EPHB1: variants seen among roughly 807,000 people sequenced by gnomAD.
EPHB1 encodes the protein ephrin type-B receptor 1.
EPHB1 carries 30 observed loss-of-function variants against 94.4 expected under a neutral mutation model. The observed-to-expected ratio is 0.32, with a 90% confidence interval of 0.24 to 0.43. The LOEUF is 0.43. EPHB1 is among the 20% of genes least tolerant of loss of function. EPHB1 has a pLI of 1.00. For synonymous variants in EPHB1, 522 were observed against 489.1 expected (o/e 1.07, Z -0.89); for missense variants, 1,055 against 1,308.3 (o/e 0.81, Z 2.99).
At chr3:135,123,428 C>G (rs535862469) in intron 4 of EPHB1, among the ~76,000 whole-genome samples, 1 of 152,196 alleles carries the variant, frequency 6.6e-6, no homozygotes, top group East Asian at 1.9e-4. Context: ...TTCTTGGTTC[C>G]AAAGACAATT....
intron 13 of EPHB1, among the ~76,000 whole-genome samples, chr3:135,247,269 G>T (rs1363930802): frequency 6.6e-6 from 1 of 152,150 alleles, no homozygotes; most frequent in Non-Finnish European, 1.5e-5. Flanking sequence ...GTCTATAATA[G>T]TTGGTTTTTG....
At chr3:134,912,256 T>C (rs944457476) in intron 1 of EPHB1, among the ~76,000 whole-genome samples, 1 of 152,208 alleles carries the variant, frequency 6.6e-6, no homozygotes, top group Non-Finnish European at 1.5e-5. Flanking sequence ...TGGTTCTTAC[T>C]CATGTGCCAT....
intron 12 of EPHB1, among the ~76,000 whole-genome samples, chr3:135,207,578 G>A (rs553458584): frequency 3.9e-5 from 6 of 152,248 alleles, no homozygotes; most frequent in Admixed American, 2.0e-4. Flanking sequence ...TATGTTTTGC[G>A]AGAGCATGCA....
chr3:135,086,088 G>A (rs1353129646), intron 3 of EPHB1, among the ~76,000 whole-genome samples: 2 of 152,120 alleles, frequency 1.3e-5, no homozygotes, highest in African/African-American at 4.8e-5. Context: ...GGGCCTCTTT[G>A]CATTTCTGTT....
intron 1 of EPHB1, among the ~76,000 whole-genome samples, chr3:134,874,671 G>A (rs1289246150): frequency 6.6e-6 from 1 of 152,200 alleles, no homozygotes; most frequent in Non-Finnish European, 1.5e-5. Flanking sequence ...TGACCGGCAA[G>A]ACTCCTGCAT....
rs1933041300 is a variant in EPHB1 at position 134,951,811 on chromosome 3, T to C, written c.564T>C (p.Ser188=). The C allele has an allele frequency of 1.2e-6, 2 of 1,613,956 alleles. No individual in the cohort carries two copies. The highest frequency in any genetic ancestry group is 1.7e-5 in the Admixed American group (1 of 60,018). ...QDYGACMSLL[S]VRVFFKKCPS... ...ATGGAGCCTGTATGTCTCTTCTTTC[T>C]GTCCGTGTCTTCTTCAAAAAGTGTC... Residue 188 remains serine (S), a synonymous_variant, in exon 3 of 16, where the codon TCT becomes TCC. Coordinates refer to ENST00000398015, the MANE Select transcript of EPHB1 (RefSeq NM_004441.5). This position sits in a 1 kb window ranked among gnomAD's most constrained non-coding sequence, Gnocchi z 4.5.
chr3:135,122,713 T>A (rs17765685), intron 4 of EPHB1, among the ~76,000 whole-genome samples: 48,738 of 152,054 alleles, frequency 0.32, 8,222 homozygotes, highest in Middle Eastern at 0.42. Context: ...ATCTACTTCC[T>A]TTCTTCCAGA....
intron 15 of EPHB1, 127 bp downstream of exon 15, chr3:135,249,618 C>G (rs1932980812): frequency 4.4e-6 from 5 of 1,140,314 alleles, no homozygotes; most frequent in Non-Finnish European, 1.2e-6. Context: ...TAGACCAGGC[C>G]TGGATGGGGA....
intron 5 of EPHB1, among the ~76,000 whole-genome samples, chr3:135,136,429 A>G (rs1940621237): frequency 6.6e-6 from 1 of 152,164 alleles, no homozygotes; most frequent in South Asian, 2.1e-4. Context: ...AGTGGCAGAG[A>G]ACTGACATCT....
At chr3:134,913,126 C>T (rs73224316) in intron 1 of EPHB1, among the ~76,000 whole-genome samples, 31,411 of 152,108 alleles carry the variant, frequency 0.21, 3,357 homozygotes, top group Middle Eastern at 0.28. Flanking sequence ...TCCTTGCATC[C>T]ATAGTCGCCC....
At chr3:134,815,088 AC>A (rs2036244014) in intron 1 of EPHB1, among the ~76,000 whole-genome samples, 1 of 152,268 alleles carries the variant, frequency 6.6e-6, no homozygotes, top group African/African-American at 2.4e-5. Flanking sequence ...AAGATTCATG[AC>A]AAGTTAATGT....
chr3:135,071,238 G>A (rs966690337), intron 3 of EPHB1, among the ~76,000 whole-genome samples: 1 of 152,130 alleles, frequency 6.6e-6, no homozygotes, highest in Non-Finnish European at 1.5e-5. Flanking sequence ...CTTTGTGCTG[G>A]GATGCAAAGG....
chr3:135,012,603 T>C (rs1935658681), intron 3 of EPHB1, among the ~76,000 whole-genome samples: 1 of 152,234 alleles, frequency 6.6e-6, no homozygotes, highest in South Asian at 2.1e-4. Context: ...CAAGGCCAGA[T>C]TGTGGTTCAA....
intron 3 of EPHB1, among the ~76,000 whole-genome samples, chr3:135,059,943 C>T (rs1309431633): frequency 2.0e-5 from 3 of 152,172 alleles, no homozygotes; most frequent in East Asian, 3.9e-4. Flanking sequence ...CCAGCCAGCA[C>T]TGTAGATTAG....
At chr3:135,000,514 T>G (rs1024404182) in intron 3 of EPHB1, among the ~76,000 whole-genome samples, 1 of 152,220 alleles carries the variant, frequency 6.6e-6, no homozygotes, top group African/African-American at 2.4e-5. Context: ...GCAAATTGGC[T>G]TTTCTTTTTC....
At chr3:134,970,204 G>C (rs1933913015) in intron 3 of EPHB1, among the ~76,000 whole-genome samples, 1 of 152,066 alleles carries the variant, frequency 6.6e-6, no homozygotes, top group Non-Finnish European at 1.5e-5. Flanking sequence ...GCCTAACCTT[G>C]GCACAAAGAT....
At chr3:134,867,538 T>C (rs1409203763) in intron 1 of EPHB1, among the ~76,000 whole-genome samples, 1 of 151,462 alleles carries the variant, frequency 6.6e-6, no homozygotes, top group East Asian at 1.9e-4. Flanking sequence ...TGACAGGGAG[T>C]GAGAGGTGCA....
intron 3 of EPHB1, among the ~76,000 whole-genome samples, chr3:135,003,059 A>G (rs2107744039): frequency 6.6e-6 from 1 of 151,950 alleles, no homozygotes; most frequent in Non-Finnish European, 1.5e-5. Context: ...TTAGGGTGTC[A>G]ATTTTTGATC....
chr3:135,024,861 CT>C (rs1466040476), intron 3 of EPHB1, among the ~76,000 whole-genome samples: 1 of 151,936 alleles, frequency 6.6e-6, no homozygotes, highest in Admixed American at 6.6e-5. Flanking sequence ...TTTGACTTCC[CT>C]TTATCAATGC....
Sources: allele counts gnomAD v4.1 joint callset (sites outside exome capture counted in the v4.1 genomes callset), GRCh38; gene constraint gnomAD v4.1.1; non-coding constraint Gnocchi (gnomAD v3.1); transcripts MANE v1.5; gene names NCBI Gene and HGNC (gene_info 2026-07-23, HGNC 2026-07-21).